The following CHD5 variants were observed in gnomAD, a reference collection of about 807,000 sequenced individuals.
CHD5 encodes the protein ATP-dependent chromatin remodeler CHD5.
Under a neutral mutation model 230.3 loss-of-function variants are expected in CHD5, and 69 were observed. The observed-to-expected ratio is 0.30, with a 90% CI of 0.25 to 0.37. The LOEUF (loss-of-function observed/expected upper bound fraction) is 0.37, where lower values mean the gene tolerates loss of function less well. Ranked by LOEUF, CHD5 falls within the 10% of genes least tolerant of loss-of-function variation. The pLI, the probability that CHD5 is intolerant of heterozygous loss-of-function variation, is 1.00. For missense variants in CHD5, 1,827 were observed against 2,622.8 expected (o/e 0.70, Z 6.63); for synonymous variants, 1,064 against 1,065.9 (o/e 1.00, Z 0.03).
At chr1:6,165,569 G>A (rs1023511792) in intron 2 of CHD5, among the ~76,000 whole-genome samples, 10 of 152,194 alleles carry the variant, frequency 6.6e-5, no homozygotes, top group Admixed American at 3.9e-4. Context: ...ATGGAGCCCA[G>A]GTCTGAGGAG....
At position 6,109,976 on chromosome 1, in the gene CHD5, C is replaced by G. The variant is rs376607024; in HGVS notation, c.5397G>C (p.Ala1799=). ...TCCGGAGCTGCTCCTCAATGACCAA[C>G]GCCTGCTCCAGCAGCTGGGGGCGGG... is the stretch of plus-strand genomic sequence containing the variant. The part of the protein sequence containing the change: ...LARRFKLLEQ[A]LVIEEQLRRA... Residue 1799 remains alanine (A), a synonymous_variant, in exon 38 of 42, where the codon GCG becomes GCC. Transcript: ENST00000262450. 2.0e-5 allele frequency: 31 copies of G among 1,543,940 alleles called. No homozygotes were observed. In the African/African-American group the frequency reaches 4.1e-4, roughly 21 times the overall value.
chr1:6,110,017 G>A (rs771060117), intron 37 of CHD5, 27 bp from the exon 38 acceptor site: 30 of 1,493,322 alleles, frequency 2.0e-5, no homozygotes, highest in South Asian at 4.1e-5. Context: ...GCGTCGGCCC[G>A]GCCCCTCCCG....
Position 6,125,367 on chromosome 1 carries a change from C to T in CHD5, c.4261-134G>A, listed in dbSNP as rs1666538751. 2 of 1,210,412 alleles carry T rather than the reference C, an allele frequency of 1.7e-6. No individual in the cohort carries two copies. The highest frequency in any genetic ancestry group is 2.3e-5 in the Admixed American group (1 of 42,608). The allele number at this position is 1,210,412 out of a possible 1,614,324, so 75.0% of individuals were successfully genotyped here. A position where few individuals can be genotyped will look rare whatever the true frequency, so the allele number is the denominator to read the frequency against. On this transcript the variant is annotated intron_variant, in intron 28 of 41. Transcript: ENST00000262450. This position sits in a 1 kb window ranked among gnomAD's most constrained non-coding sequence, Gnocchi z 6.7. ...GCACAGAGAAGGCAGGGGCCTCCACCTGGGGCAGGACCCTGACGGCGAAGA... is the reference window on the plus strand; with the variant it reads ...GCACAGAGAAGGCAGGGGCCTCCACTTGGGGCAGGACCCTGACGGCGAAGA...
chr1:6,120,964 C>T, intron 33 of CHD5, 141 bp downstream of exon 33: 1 of 1,007,848 alleles, frequency 9.9e-7, no homozygotes, highest in Non-Finnish European at 1.4e-6. Context: ...CCTCCCCTCA[C>T]CAGGGGGCCT....
rs1666926964 is a variant in CHD5, at chr1:6,147,312, G to A, written c.1384-441C>T. ...TGTGTGATCCCCAAGCACTCAGGGA[G>A]CATGAGCCCTGTGCTGGAGCCCAGG... On this transcript the variant is annotated intron_variant, in intron 9 of 41. Coordinates refer to ENST00000262450, the MANE Select transcript of CHD5 (RefSeq NM_015557.3). 2.0e-5 allele frequency among the ~76,000 whole-genome samples: 3 copies of A among 152,278 alleles called. No individual in the cohort carries two copies. The South Asian group carries it at 6.2e-4, about 32-fold the overall frequency.
At chr1:6,178,224 C>G (rs990116069) in intron 1 of CHD5, among the ~76,000 whole-genome samples, 13 of 152,112 alleles carry the variant, frequency 8.5e-5, no homozygotes, top group Admixed American at 2.0e-4. Context: ...GCAGGATGAC[C>G]AGAGCCCCGC....
Position 6,124,671 on chromosome 1 carries a change from G to A in CHD5, c.4395-10C>T, listed in dbSNP as rs780691329. ...GAGGGACACATAGGCTCTGGGGTGGGGGGGGGGGACTGGGGCTCAGGGAGT... is the reference window on the plus strand; with the variant it reads ...GAGGGACACATAGGCTCTGGGGTGGAGGGGGGGGACTGGGGCTCAGGGAGT... On this transcript the variant is annotated splice_polypyrimidine_tract_variant and intron_variant, in intron 29 of 41. Coordinates refer to ENST00000262450, the MANE Select transcript of CHD5 (RefSeq NM_015557.3). The A allele has an allele frequency of 2.2e-5, 29 of 1,297,488 alleles. 1 individual carries two copies. Among genetic ancestry groups the A allele is most frequent in the Non-Finnish European group, 3.0e-5 (28 of 933,188 alleles). 80.4% of individuals were successfully genotyped at this position (1,297,488 alleles called of 1,614,324 possible). A position where few individuals can be genotyped will look rare whatever the true frequency, so the allele number is the denominator to read the frequency against.
chr1:6,131,751 G>A lies in CHD5; in HGVS notation c.3145-3C>T. The A allele has an allele frequency of 6.3e-7, 1 of 1,599,032 alleles. No homozygotes were observed. Among genetic ancestry groups the A allele is most frequent in the Non-Finnish European group, 8.6e-7 (1 of 1,166,788 alleles). ...AGGAGGTCCAGCATCTTGGTCATCT[G>A]CAGGGGAGACGGGCACGTGAGGAAC... On this transcript the variant is annotated splice_region_variant and splice_polypyrimidine_tract_variant and intron_variant, in intron 20 of 41. Transcript: ENST00000262450. The surrounding 1 kb of genome is among the most constrained non-coding windows in gnomAD (Gnocchi z 5.0).
chr1:6,130,882 C>T lies in CHD5; in HGVS notation c.3263-554G>A, dbSNP rs1571149512. Among the ~76,000 whole-genome samples, 1 of 152,334 alleles carries T rather than the reference C, an allele frequency of 6.6e-6. No individual in the cohort carries two copies. The highest frequency in any genetic ancestry group is 1.5e-5 in the Non-Finnish European group (1 of 68,030). ...AGCTGCAAACAGGCCCCTGGCACACCCAGGGCTTCAGCCACTCCTGCTTCC... is the reference window on the plus strand; with the variant it reads ...AGCTGCAAACAGGCCCCTGGCACACTCAGGGCTTCAGCCACTCCTGCTTCC... On this transcript the variant is annotated intron_variant, in intron 21 of 41. Coordinates refer to ENST00000262450, the MANE Select transcript of CHD5 (RefSeq NM_015557.3). This position sits in a 1 kb window ranked among gnomAD's most constrained non-coding sequence, Gnocchi z 4.9.
intron 1 of CHD5, among the ~76,000 whole-genome samples, chr1:6,178,573 T>G (rs1667460512): frequency 1.3e-5 from 2 of 151,758 alleles, no homozygotes; most frequent in Admixed American, 6.6e-5. Context: ...TGGGTCTAAT[T>G]CCAAGGACCC....
chr1:6,132,030 C>T (rs1222486008), intron 20 of CHD5, among the ~76,000 whole-genome samples: 1 of 152,224 alleles, frequency 6.6e-6, no homozygotes, highest in Non-Finnish European at 1.5e-5. Context: ...TAAGTTCCAT[C>T]TCACTGCCCT....
At chr1:6,150,479 C>T (rs1487998211) in intron 7 of CHD5, among the ~76,000 whole-genome samples, 9 of 88,150 alleles carry the variant, frequency 1.0e-4, no homozygotes, top group East Asian at 7.0e-4. Context: ...GACGGACGGA[C>T]GGACGGATGG....
At chr1:6,119,802 C>A (rs1373052740) in intron 33 of CHD5, among the ~76,000 whole-genome samples, 1 of 148,334 alleles carries the variant, frequency 6.7e-6, no homozygotes, top group East Asian at 2.1e-4. Flanking sequence ...TACGTATGTA[C>A]GTACATATAT....
At chr1:6,106,090 G>C (rs1330521791) in intron 41 of CHD5, 144 bp downstream of exon 41, 2 of 716,350 alleles carry the variant, frequency 2.8e-6, no homozygotes, top group African/African-American at 3.6e-5. Flanking sequence ...CAGGCAGGTG[G>C]GTGGCTCTCA....
At chr1:6,150,306 T>A (rs1666982563) in intron 7 of CHD5, among the ~76,000 whole-genome samples, 1 of 142,342 alleles carries the variant, frequency 7.0e-6, no homozygotes, top group African/African-American at 2.7e-5. Flanking sequence ...GATGGATGAA[T>A]GGACAAGTGG....
rs1248309874 is a variant in CHD5 at position 6,126,298 on chromosome 1, C to T, written c.4078+274G>A. 6.6e-6 allele frequency among the ~76,000 whole-genome samples: 1 copy of T among 152,062 alleles called. No individual in the cohort carries two copies. Among genetic ancestry groups the T allele is most frequent in the East Asian group, 1.9e-4 (1 of 5,170 alleles). On this transcript the variant is annotated intron_variant, in intron 26 of 41. Transcript: ENST00000262450. This position sits in a 1 kb window ranked among gnomAD's most constrained non-coding sequence, Gnocchi z 5.7. Reference sequence around the variant, plus strand: ...ATGCCCCAACAGAATCCTGCCCCACCCTCCACCTCTGGGTATGGGACACCC... The same window carrying T: ...ATGCCCCAACAGAATCCTGCCCCACTCTCCACCTCTGGGTATGGGACACCC...
Position 6,125,311 on chromosome 1 carries a change from A to C in CHD5, c.4261-78T>G, listed in dbSNP as rs1666537554. 7.0e-6 allele frequency: 10 copies of C among 1,429,962 alleles called. No individual in the cohort carries two copies. Among genetic ancestry groups the C allele is most frequent in the Non-Finnish European group, 9.5e-6 (10 of 1,057,882 alleles). The allele number at this position is 1,429,962 out of a possible 1,614,324, so 88.6% of individuals were successfully genotyped here. A position where few individuals can be genotyped will look rare whatever the true frequency, so the allele number is the denominator to read the frequency against. ...GGAGGATTCTGGGATGGGGGAAGAA[A>C]AGCATGGGAGGAGGAGAAGGTAGGA... On this transcript the variant is annotated intron_variant, in intron 28 of 41. Coordinates refer to ENST00000262450, the MANE Select transcript of CHD5 (RefSeq NM_015557.3). The surrounding 1 kb of genome is among the most constrained non-coding windows in gnomAD (Gnocchi z 6.7).
At chr1:6,138,909 C>A (rs147754805) in intron 15 of CHD5, among the ~76,000 whole-genome samples, 2 of 152,314 alleles carry the variant, frequency 1.3e-5, no homozygotes, top group African/African-American at 4.8e-5. Flanking sequence ...GTGGTCTATC[C>A]CTGTGATGGG....
At chr1:6,124,417 C>T (rs1666520027) in intron 30 of CHD5, 100 bp downstream of exon 30, 1 of 1,392,400 alleles carries the variant, frequency 7.2e-7, no homozygotes, top group East Asian at 2.3e-5. Context: ...GCTGTGTGGC[C>T]TGAACCAGGC....
Sources: allele counts gnomAD v4.1 joint callset (sites outside exome capture counted in the v4.1 genomes callset), GRCh38; gene constraint gnomAD v4.1.1; non-coding constraint Gnocchi (gnomAD v3.1); transcripts MANE v1.5; gene names NCBI Gene and HGNC (gene_info 2026-07-23, HGNC 2026-07-21).